LRRC4C: variants seen among roughly 807,000 people sequenced by gnomAD.
LRRC4C encodes the protein leucine-rich repeat-containing protein 4C.
Under a neutral mutation model 33.6 loss-of-function variants are expected in LRRC4C, and 5 were observed. That is an observed-to-expected ratio of 0.15 (90% CI 0.08 to 0.31). The LOEUF is 0.31. Among genes scored for constraint, LRRC4C ranks in the 10% least tolerant of loss-of-function variants. The probability of loss-of-function intolerance (pLI) is 1.00; values close to 1 mark genes in which losing one functional copy is unlikely to be tolerated. For synonymous variants in LRRC4C, 329 were observed against 302.0 expected (o/e 1.09, Z -0.93); for missense variants, 560 against 796.7 (o/e 0.70, Z 3.58).
intron 3 of LRRC4C, among the ~76,000 whole-genome samples, chr11:40,375,655 G>A (rs895824882): frequency 8.5e-5 from 13 of 152,096 alleles, no homozygotes; most frequent in African/African-American, 3.1e-4. Flanking sequence ...TATGATGACT[G>A]CACAATGATT....
chr11:40,729,465 T>G (rs1378935366), intron 2 of LRRC4C, among the ~76,000 whole-genome samples: 1 of 152,176 alleles, frequency 6.6e-6, no homozygotes, highest in African/African-American at 2.4e-5. Context: ...GGCCTACTAG[T>G]CATCATGCCA....
chr11:40,546,806 A>T (rs1462867313), intron 3 of LRRC4C, among the ~76,000 whole-genome samples: 1 of 152,116 alleles, frequency 6.6e-6, no homozygotes, highest in African/African-American at 2.4e-5. Context: ...TGTTAGCACC[A>T]TTTTAAAGAT....
At chr11:40,928,552 T>C (rs1957487372) in intron 2 of LRRC4C, among the ~76,000 whole-genome samples, 1 of 152,044 alleles carries the variant, frequency 6.6e-6, no homozygotes, top group Non-Finnish European at 1.5e-5. Context: ...ATAGCTAACA[T>C]TTATTGAATA....
At chr11:41,431,580 T>C (rs1955235042) in intron 1 of LRRC4C, among the ~76,000 whole-genome samples, 1 of 152,010 alleles carries the variant, frequency 6.6e-6, no homozygotes, top group African/African-American at 2.4e-5. Flanking sequence ...GGCTCTCAGA[T>C]TGGTTATTGG....
intron 2 of LRRC4C, among the ~76,000 whole-genome samples, chr11:40,730,113 G>T (rs76991196): frequency 6.6e-6 from 1 of 151,942 alleles, no homozygotes; most frequent in Non-Finnish European, 1.5e-5. Flanking sequence ...TGTGGGGTTG[G>T]GGGGGGCAGG....
At chr11:40,281,952 T>G (rs773010370) in intron 4 of LRRC4C, among the ~76,000 whole-genome samples, 21 of 152,180 alleles carry the variant, frequency 1.4e-4, no homozygotes, top group Non-Finnish European at 2.4e-4. Context: ...ATTCCCAATG[T>G]GACTTGGTCA....
intron 2 of LRRC4C, among the ~76,000 whole-genome samples, chr11:40,773,530 AAG>A (rs1456153961): frequency 6.6e-6 from 1 of 152,056 alleles, no homozygotes; most frequent in African/African-American, 2.4e-5. Context: ...ATAAAGATAA[AAG>A]AAAAAAATTC....
At chr11:40,925,184 C>G (rs545521029) in intron 2 of LRRC4C, among the ~76,000 whole-genome samples, 1 of 151,736 alleles carries the variant, frequency 6.6e-6, no homozygotes, top group South Asian at 2.1e-4. Flanking sequence ...TCTTTGCTTC[C>G]CCTGTCAATC....
chr11:41,184,098 T>C (rs1945578045), intron 1 of LRRC4C, among the ~76,000 whole-genome samples: 2 of 152,148 alleles, frequency 1.3e-5, no homozygotes, highest in Non-Finnish European at 2.9e-5. Flanking sequence ...AACCATTTTT[T>C]CCTCCTAGAC....
At chr11:40,151,177 C>T (rs774680002) in intron 5 of LRRC4C, among the ~76,000 whole-genome samples, 1 of 152,168 alleles carries the variant, frequency 6.6e-6, no homozygotes, top group South Asian at 2.1e-4. Context: ...TTTGCCCTGT[C>T]CAGTGACAAA....
chr11:40,226,402 A>G (rs544429129), intron 5 of LRRC4C, among the ~76,000 whole-genome samples: 1 of 152,342 alleles, frequency 6.6e-6, no homozygotes, highest in African/African-American at 2.4e-5. Flanking sequence ...ACTCCACTCG[A>G]TCCCAGAATG....
At chr11:40,937,704 G>A (rs550387764) in intron 1 of LRRC4C, among the ~76,000 whole-genome samples, 70 of 151,770 alleles carry the variant, frequency 4.6e-4, no homozygotes, top group African/African-American at 1.4e-3. Flanking sequence ...GTGAAGTGGC[G>A]TGATCATGGC....
At chr11:40,781,365 AT>A (rs1950204375) in intron 2 of LRRC4C, among the ~76,000 whole-genome samples, 1 of 152,152 alleles carries the variant, frequency 6.6e-6, no homozygotes. Flanking sequence ...ACAAAATAAT[AT>A]CAACCAATTA....
intron 1 of LRRC4C, among the ~76,000 whole-genome samples, chr11:41,163,626 G>A (rs1475716987): frequency 7.3e-6 from 1 of 136,418 alleles, no homozygotes; most frequent in Non-Finnish European, 1.6e-5. Context: ...TTTTTTTTTT[G>A]TTTGAAACAG....
chr11:41,238,143 T>A (rs1948102512), intron 1 of LRRC4C, among the ~76,000 whole-genome samples: 1 of 152,192 alleles, frequency 6.6e-6, no homozygotes, highest in African/African-American at 2.4e-5. Flanking sequence ...TTAAGCAGTG[T>A]ATTAAATGTA....
intron 3 of LRRC4C, among the ~76,000 whole-genome samples, chr11:40,322,232 G>A (rs973754581): frequency 4.6e-5 from 7 of 151,982 alleles, no homozygotes; most frequent in Non-Finnish European, 7.4e-5. Context: ...TATATTGCAT[G>A]TTTTAAAAAA....
At chr11:41,175,341 T>C (rs1945152314) in intron 1 of LRRC4C, among the ~76,000 whole-genome samples, 1 of 152,218 alleles carries the variant, frequency 6.6e-6, no homozygotes, top group Non-Finnish European at 1.5e-5. Context: ...GTCAAGCTTA[T>C]TCTGCAGGAG....
intron 1 of LRRC4C, among the ~76,000 whole-genome samples, chr11:41,013,673 C>A (rs1414358714): frequency 6.6e-6 from 1 of 152,118 alleles, no homozygotes; most frequent in Admixed American, 6.5e-5. Context: ...ATCAAGGTGT[C>A]AGTAAGATCA....
At chr11:40,934,679 T>TGTA (rs1328822958) in intron 1 of LRRC4C, among the ~76,000 whole-genome samples, 9 of 152,166 alleles carry the variant, frequency 5.9e-5, no homozygotes. Context: ...TCTAATTGTT[T>TGTA]GTAATAATAA....
Sources: allele counts gnomAD v4.1 joint callset (sites outside exome capture counted in the v4.1 genomes callset), GRCh38; gene constraint gnomAD v4.1.1; transcripts MANE v1.5; gene names NCBI Gene and HGNC (gene_info 2026-07-23, HGNC 2026-07-21).